Variants in RYR2 observed in about 807,000 individuals in gnomAD.
RYR2 encodes ryanodine receptor 2.
A neutral mutation model predicts 601.1 loss-of-function variants in RYR2; 227 were observed. That is an observed-to-expected ratio of 0.38 (90% CI 0.34 to 0.42). The LOEUF is 0.42. Among genes scored for constraint, RYR2 ranks in the 10% least tolerant of loss-of-function variants. The probability of loss-of-function intolerance (pLI) is 1.00; values close to 1 mark genes in which losing one functional copy is unlikely to be tolerated. For synonymous variants in RYR2, 2,223 were observed against 2,175.1 expected (o/e 1.02, Z -0.61); for missense variants, 4,646 against 6,156.5 (o/e 0.75, Z 8.21).
Position 237,643,419 on chromosome 1 carries a change from C to G in RYR2, c.7314C>G (p.Ile2438Met), listed in dbSNP as rs374418643. Residue 2438 changes from isoleucine to methionine, a missense_variant, in exon 48 of 105, where the codon ATC becomes ATG. Coordinates refer to ENST00000366574, the MANE Select transcript of RYR2 (RefSeq NM_001035.3). ...PLGDLVGVIS[I>M]AFQMPTIAKD... Reference sequence around the variant, plus strand: ...GAGATTTGGTGGGCGTTATCAGCATCGCTTTTCAGATGCCAACAATAGCCA... The same window carrying G: ...GAGATTTGGTGGGCGTTATCAGCATGGCTTTTCAGATGCCAACAATAGCCA... The G allele has an allele frequency of 1.2e-6, 2 of 1,613,860 alleles. No individual in the cohort carries two copies.
At chr1:237,283,653 C>T (rs1691138504) in intron 2 of RYR2, among the ~76,000 whole-genome samples, 1 of 152,128 alleles carries the variant, frequency 6.6e-6, no homozygotes. Context: ...AATACACAGC[C>T]ACTGTCTTCC....
At chr1:237,462,271 G>A (rs1659567721) in intron 16 of RYR2, among the ~76,000 whole-genome samples, 1 of 152,080 alleles carries the variant, frequency 6.6e-6, no homozygotes, top group Non-Finnish European at 1.5e-5. Flanking sequence ...TGTCTATTTT[G>A]CACAGAGAGA....
chr1:237,218,759 C>A (rs114378732), intron 1 of RYR2, among the ~76,000 whole-genome samples: 1 of 152,074 alleles, frequency 6.6e-6, no homozygotes, highest in Non-Finnish European at 1.5e-5. Context: ...TAGGGTTGGG[C>A]TCCCCTCATA....
intron 12 of RYR2, among the ~76,000 whole-genome samples, chr1:237,431,087 C>T (rs776768613): frequency 3.9e-5 from 6 of 152,186 alleles, no homozygotes; most frequent in East Asian, 1.9e-4. Flanking sequence ...AGGTTAATAA[C>T]GCTTCCATGC....
chr1:237,833,358 C>CA lies in RYR2; in HGVS notation c.*711_*712insA, dbSNP rs1257039388. 7.6e-6 allele frequency: 1 copy of CA among 130,856 alleles called. No homozygotes were observed. Among genetic ancestry groups the CA allele is most frequent in the Admixed American group, 7.8e-5 (1 of 12,862 alleles). 8.1% of individuals were successfully genotyped at this position (130,856 alleles called of 1,614,324 possible). ...TCAGCTAAATTCACATTTGCCCCCCCCCCCCGCCCCCGCCCCCATATGCTC... is the reference window on the plus strand; with the variant it reads ...TCAGCTAAATTCACATTTGCCCCCCCACCCCCGCCCCCGCCCCCATATGCTC... On this transcript the variant is annotated 3_prime_UTR_variant, in exon 105 of 105. Transcript: ENST00000366574.
At chr1:237,737,435 G>A (rs574314991) in intron 79 of RYR2, among the ~76,000 whole-genome samples, 2 of 152,328 alleles carry the variant, frequency 1.3e-5, no homozygotes, top group South Asian at 4.1e-4. Context: ...CCTGCGTAGT[G>A]TGTATGGGAA....
intron 67 of RYR2, among the ~76,000 whole-genome samples, chr1:237,706,609 C>T (rs1425489024): frequency 6.6e-6 from 1 of 152,122 alleles, no homozygotes. Flanking sequence ...GACTTCAAAA[C>T]TTCCTCGAAA....
rs769308688 is a variant in RYR2 at position 237,783,946 on chromosome 1, C to T, written c.12234C>T (p.Leu4078=). ...CGGAGACGGATGAGAATGAAACCCTCGACTACGAAGAGTTCGTCAAACGCT... is the reference window on the plus strand; with the variant it reads ...CGGAGACGGATGAGAATGAAACCCTTGACTACGAAGAGTTCGTCAAACGCT... ...SCAETDENET[L]DYEEFVKRFH... is the part of the protein sequence containing the mutation. The change falls in exon 90 of 105, where the codon CTC becomes CTT. Residue 4078 remains leucine, a synonymous_variant. Coordinates refer to ENST00000366574, the MANE Select transcript of RYR2 (RefSeq NM_001035.3). 3 of 1,613,494 alleles carry T rather than the reference C, an allele frequency of 1.9e-6. No homozygotes were observed. Among genetic ancestry groups the T allele is most frequent in the Non-Finnish European group, 1.7e-6 (2 of 1,179,680 alleles).
intron 8 of RYR2, among the ~76,000 whole-genome samples, chr1:237,380,151 G>A (rs779803810): frequency 9.3e-5 from 14 of 151,294 alleles, no homozygotes; most frequent in East Asian, 3.9e-4. Context: ...GGATAGTAGC[G>A]GGTATATGAA....
At chr1:237,390,017 G>A (rs1238780285) in intron 10 of RYR2, among the ~76,000 whole-genome samples, 2 of 152,158 alleles carry the variant, frequency 1.3e-5, no homozygotes, top group Non-Finnish European at 2.9e-5. Context: ...ACAGAATGCT[G>A]ATGTTTAGGA....
At chr1:237,317,306 A>G (rs1695211495) in intron 2 of RYR2, among the ~76,000 whole-genome samples, 1 of 152,194 alleles carries the variant, frequency 6.6e-6, no homozygotes. Flanking sequence ...CATGGTCAAA[A>G]TTAGTTATAT....
intron 27 of RYR2, among the ~76,000 whole-genome samples, chr1:237,554,339 C>T: frequency 6.6e-6 from 1 of 151,782 alleles, no homozygotes; most frequent in South Asian, 2.1e-4. Context: ...TCTAGGATAA[C>T]TCTCTTCAGT....
At chr1:237,448,574 A>G (rs1386772596) in intron 14 of RYR2, among the ~76,000 whole-genome samples, 1 of 152,096 alleles carries the variant, frequency 6.6e-6, no homozygotes, top group Admixed American at 6.6e-5. Context: ...ACTGAGAGAA[A>G]GGTACTGAAA....
chr1:237,561,123 AAC>A (rs1019278077), intron 27 of RYR2, among the ~76,000 whole-genome samples: 4 of 104,312 alleles, frequency 3.8e-5, no homozygotes, highest in African/African-American at 5.8e-5. Flanking sequence ...AAAATGAGAA[AAC>A]AGGGAGAAAA....
At chr1:237,352,762 A>G in intron 3 of RYR2, 1 of 436,746 alleles carries the variant, frequency 2.3e-6, no homozygotes. Context: ...TAGAGTTCAT[A>G]AGTAGATCTG....
intron 98 of RYR2, among the ~76,000 whole-genome samples, chr1:237,803,588 C>T (rs562332526): frequency 3.3e-5 from 5 of 152,320 alleles, no homozygotes; most frequent in Admixed American, 1.3e-4. Flanking sequence ...GCGTGAGCCA[C>T]CACGCCCAGT....
intron 24 of RYR2, among the ~76,000 whole-genome samples, chr1:237,514,336 A>G (rs1246782296): frequency 2.0e-5 from 3 of 152,188 alleles, no homozygotes; most frequent in Non-Finnish European, 2.9e-5. Flanking sequence ...ATTACATGTA[A>G]TCCAGTGTCA....
intron 25 of RYR2, among the ~76,000 whole-genome samples, chr1:237,547,154 C>G (rs756235303): frequency 2.6e-5 from 4 of 151,452 alleles, no homozygotes; most frequent in Admixed American, 1.3e-4. Context: ...TACAGGCACC[C>G]GCCACCACAC....
intron 2 of RYR2, among the ~76,000 whole-genome samples, chr1:237,324,320 A>G (rs113718404): frequency 6.7e-4 from 102 of 152,242 alleles, no homozygotes; most frequent in Middle Eastern, 3.4e-3. Flanking sequence ...AACAACCACC[A>G]CTTTATCTTT....
Sources: allele counts gnomAD v4.1 joint callset (sites outside exome capture counted in the v4.1 genomes callset), GRCh38; gene constraint gnomAD v4.1.1; transcripts MANE v1.5; gene names NCBI Gene and HGNC (gene_info 2026-07-23, HGNC 2026-07-21).